The following APOL3 variants were observed in gnomAD, a reference collection of about 807,000 sequenced individuals.
APOL3 encodes TNF-inducible protein CG12-1.
A neutral mutation model predicts 11.6 loss-of-function variants in APOL3; 14 were observed. That is an observed-to-expected ratio of 1.21 (90% CI 0.80 to 1.89). The LOEUF (loss-of-function observed/expected upper bound fraction) is 1.89. Ranked by LOEUF, APOL3 falls within the 40% of genes most tolerant of loss-of-function variation. The probability of loss-of-function intolerance (pLI) is 0.00; values close to 1 mark genes in which losing one functional copy is unlikely to be tolerated. For missense variants in APOL3, 483 were observed against 492.1 expected (o/e 0.98, Z 0.17); for synonymous variants, 192 against 190.6 (o/e 1.01, Z -0.06).
chr22:36,160,418 G>A (rs1198113959), intron 1 of APOL3, among the ~76,000 whole-genome samples: 2 of 152,220 alleles, frequency 1.3e-5, no homozygotes, highest in East Asian at 3.8e-4. Flanking sequence ...CTAGAGCTGA[G>A]CCCTAGGAAG....
exon 3 of APOL3, chr22:36,140,923 T>G: frequency 2.4e-6 from 1 of 410,212 alleles, no homozygotes. Context: ...CCCCAATATA[T>G]TCGTTAGTCT....
chr22:36,144,515 G>GCCAAGAT (rs896170553), intron 2 of APOL3, among the ~76,000 whole-genome samples: 3 of 152,128 alleles, frequency 2.0e-5, no homozygotes, highest in African/African-American at 7.2e-5. Context: ...CAGGGACAGA[G>GCCAAGAT]CCAAGATCCA....
intron 2 of APOL3, among the ~76,000 whole-genome samples, chr22:36,143,101 T>C (rs979243476): frequency 1.4e-4 from 21 of 151,052 alleles, no homozygotes; most frequent in Admixed American, 1.3e-3. Flanking sequence ...GTCTTTACTA[T>C]ATTGGGAGCT....
chr22:36,147,286 C>T (rs755647645), intron 1 of APOL3, among the ~76,000 whole-genome samples: 14 of 152,104 alleles, frequency 9.2e-5, no homozygotes, highest in African/African-American at 2.7e-4. Flanking sequence ...GTTCTTTAGG[C>T]GGGCAGGGGA....
intron 1 of APOL3, among the ~76,000 whole-genome samples, chr22:36,146,993 CAGA>C (rs1438050220): frequency 6.6e-6 from 1 of 152,072 alleles, no homozygotes; most frequent in African/African-American, 2.4e-5. Flanking sequence ...TCTCATTTCA[CAGA>C]AGGAGAAATT....
At chr22:36,151,797 AC>A (rs909780621) in intron 1 of APOL3, among the ~76,000 whole-genome samples, 38 of 152,332 alleles carry the variant, frequency 2.5e-4, no homozygotes, top group African/African-American at 8.7e-4. Flanking sequence ...TACAAAGAAT[AC>A]AAAAATGAAC....
chr22:36,145,414 A>G (rs1354399531), intron 2 of APOL3, 59 bp downstream of exon 3: 4 of 1,502,974 alleles, frequency 2.7e-6, no homozygotes, highest in Non-Finnish European at 3.7e-6. Context: ...AAACTAGCCC[A>G]GGGGAGATCA....
chr22:36,151,873 AGC>A (rs2011755258), intron 1 of APOL3, among the ~76,000 whole-genome samples: 1 of 152,194 alleles, frequency 6.6e-6, no homozygotes, highest in African/African-American at 2.4e-5. Flanking sequence ...GAATCTCTTG[AGC>A]CCAAGAGGTC....
intron 1 of APOL3, among the ~76,000 whole-genome samples, chr22:36,151,266 A>G (rs986151642): frequency 5.9e-5 from 9 of 152,244 alleles, no homozygotes; most frequent in African/African-American, 2.2e-4. Flanking sequence ...TTTCTTTAAT[A>G]TGAATAGATC....
At chr22:36,164,057 T>C (rs1192492139), upstream of APOL3, among the ~76,000 whole-genome samples, 1 of 152,260 alleles carries the variant, frequency 6.6e-6, no homozygotes, top group Non-Finnish European at 1.5e-5. Flanking sequence ...TTAAATGCAG[T>C]AACCAATATT....
At chr22:36,144,554 C>T (rs994976892) in intron 2 of APOL3, among the ~76,000 whole-genome samples, 1 of 152,176 alleles carries the variant, frequency 6.6e-6, no homozygotes, top group African/African-American at 2.4e-5. Flanking sequence ...TCCATTCCAG[C>T]CTCTCTGTGT....
At chr22:36,155,414 C>G (rs1175636764) in intron 1 of APOL3, among the ~76,000 whole-genome samples, 2 of 152,202 alleles carry the variant, frequency 1.3e-5, no homozygotes, top group African/African-American at 4.8e-5. Flanking sequence ...TCTCACCTCC[C>G]TCTTCCTATT....
chr22:36,142,129 G>A (rs1424408002), intron 2 of APOL3, 71 bp from the exon 4 acceptor site: 15 of 1,476,380 alleles, frequency 1.0e-5, no homozygotes, highest in Non-Finnish European at 1.4e-5. Context: ...AATAAGATCT[G>A]TTCTACATAA....
intron 1 of APOL3, 24 bp from the exon 3 acceptor site, chr22:36,145,623 G>C (rs777464728): frequency 1.8e-5 from 29 of 1,611,846 alleles, no homozygotes; most frequent in Non-Finnish European, 2.4e-5. Context: ...AAAAGCATAA[G>C]ATTGGAAGAA....
intron 1 of APOL3, among the ~76,000 whole-genome samples, chr22:36,153,734 A>G (rs1479180844): frequency 6.6e-6 from 1 of 152,234 alleles, no homozygotes; most frequent in Admixed American, 6.5e-5. Context: ...CAGTTAATTT[A>G]GAAAGTTTAT....
intron 2 of APOL3, 82 bp from the exon 4 acceptor site, chr22:36,142,140 A>G: frequency 2.1e-6 from 3 of 1,421,500 alleles, no homozygotes; most frequent in South Asian, 3.0e-5. Flanking sequence ...TTCTACATAA[A>G]TCACAGAGCT....
intron 1 of APOL3, among the ~76,000 whole-genome samples, chr22:36,159,869 G>T (rs900102614): frequency 2.4e-4 from 36 of 150,752 alleles, no homozygotes; most frequent in African/African-American, 8.1e-4. Context: ...ATCTCTTTTC[G>T]CTCTCTCTCT....
intron 1 of APOL3, chr22:36,149,904 G>A (rs752932007): frequency 3.7e-5 from 17 of 456,056 alleles, no homozygotes; most frequent in Non-Finnish European, 5.7e-5. Context: ...TGTCCTGGCT[G>A]CAAGTGATGC....
intron 1 of APOL3, among the ~76,000 whole-genome samples, chr22:36,153,992 G>A (rs1411084798): frequency 1.3e-5 from 2 of 152,230 alleles, no homozygotes; most frequent in African/African-American, 4.8e-5. Flanking sequence ...AAAGACCGGA[G>A]ATCAATAGGA....
Sources: allele counts gnomAD v4.1 joint callset (sites outside exome capture counted in the v4.1 genomes callset), GRCh38; gene constraint gnomAD v4.1.1; transcripts MANE v1.5; gene names NCBI Gene and HGNC (gene_info 2026-07-23, HGNC 2026-07-21).